The following RGS7BP variants were observed in gnomAD, a reference collection of about 807,000 sequenced individuals.
The protein encoded by RGS7BP is regulator of G protein signaling 7-binding protein.
In RGS7BP, 9 loss-of-function variants were observed where a neutral mutation model predicts 31.3. The ratio of observed to expected loss-of-function variants is 0.29; its 90% CI spans 0.17 to 0.50. RGS7BP has a LOEUF of 0.50. Ranked by LOEUF, RGS7BP falls within the 20% of genes least tolerant of loss-of-function variation. The pLI is 0.98. For synonymous variants in RGS7BP, 115 were observed against 120.1 expected (o/e 0.96, Z 0.28); for missense variants, 274 against 322.0 (o/e 0.85, Z 1.14).
chr5:64,608,471 A>C (rs1315979356), intron 5 of RGS7BP, among the ~76,000 whole-genome samples: 2 of 152,046 alleles, frequency 1.3e-5, no homozygotes, highest in African/African-American at 4.8e-5. Flanking sequence ...GAAAGACTCA[A>C]TAGGAAATAG....
At chr5:64,557,364 C>G (rs1395871477) in intron 2 of RGS7BP, among the ~76,000 whole-genome samples, 2 of 152,098 alleles carry the variant, frequency 1.3e-5, no homozygotes, top group Admixed American at 6.6e-5. Context: ...CATTTTCTGC[C>G]TGGACCAACT....
chr5:64,555,961 C>T (rs1422889784), intron 2 of RGS7BP, among the ~76,000 whole-genome samples: 1 of 152,098 alleles, frequency 6.6e-6, no homozygotes. Flanking sequence ...TTGCTCAGCA[C>T]AGGAAAATAT....
chr5:64,531,481 G>A (rs1282304439), intron 2 of RGS7BP, among the ~76,000 whole-genome samples: 1 of 152,168 alleles, frequency 6.6e-6, no homozygotes, highest in Non-Finnish European at 1.5e-5. Context: ...TAGGAGGTCT[G>A]TGGGATTACA....
chr5:64,551,043 A>G (rs946325478), intron 2 of RGS7BP, among the ~76,000 whole-genome samples: 8 of 151,804 alleles, frequency 5.3e-5, no homozygotes, highest in African/African-American at 1.2e-4. Context: ...CAATCATAGC[A>G]GCAATTACCC....
intron 2 of RGS7BP, among the ~76,000 whole-genome samples, chr5:64,538,664 C>A (rs1230978622): frequency 7.1e-6 from 1 of 139,912 alleles, no homozygotes; most frequent in Non-Finnish European, 1.5e-5. Flanking sequence ...TCAAGAGATT[C>A]TCCTACCTCA....
chr5:64,595,304 A>G (rs1273706131), intron 4 of RGS7BP, among the ~76,000 whole-genome samples: 1 of 152,132 alleles, frequency 6.6e-6, no homozygotes, highest in Non-Finnish European at 1.5e-5. Flanking sequence ...TTTCAGGTAT[A>G]TGGAACAGCC....
intron 2 of RGS7BP, among the ~76,000 whole-genome samples, chr5:64,533,650 A>G (rs1481793271): frequency 1.3e-5 from 2 of 152,224 alleles, no homozygotes; most frequent in Non-Finnish European, 2.9e-5. Flanking sequence ...TTTTTCTTCC[A>G]TAAATAAAGT....
intron 2 of RGS7BP, among the ~76,000 whole-genome samples, chr5:64,561,384 T>A (rs1192264023): frequency 1.3e-5 from 2 of 152,152 alleles, no homozygotes. Context: ...TAAATATAGT[T>A]CCAGTCCTGA....
rs545535485 is a variant in RGS7BP, at chr5:64,511,460, G to A, written c.332+3583G>A. 5.3e-4 allele frequency among the ~76,000 whole-genome samples: 81 copies of A among 152,288 alleles called. 1 individual carries two copies. The highest frequency in any genetic ancestry group is 6.8e-3 in the Middle Eastern group (2 of 294). The stretch of plus-strand genomic sequence containing the variant: ...CCTTAAAGATCACTTGCAAGAATGG[G>A]CCTCAAACTTTTTTAGCAGCAAATC... On this transcript the variant is annotated intron_variant, in intron 2 of 5. Transcript: ENST00000334025.
At chr5:64,541,882 T>C (rs1441721903) in intron 2 of RGS7BP, among the ~76,000 whole-genome samples, 1 of 152,220 alleles carries the variant, frequency 6.6e-6, no homozygotes, top group Non-Finnish European at 1.5e-5. Flanking sequence ...TTTTTTTAAA[T>C]TAATTAATTT....
chr5:64,585,442 G>A (rs936524649), intron 3 of RGS7BP, among the ~76,000 whole-genome samples: 4 of 151,988 alleles, frequency 2.6e-5, no homozygotes, highest in Non-Finnish European at 4.4e-5. Flanking sequence ...AGGAATGGAA[G>A]GGGCAAAGAA....
intron 3 of RGS7BP, among the ~76,000 whole-genome samples, chr5:64,580,310 C>T (rs3902690): frequency 0.71 from 107,261 of 151,994 alleles, 38,619 homozygotes; most frequent in African/African-American, 0.83. Flanking sequence ...TTACTACCAT[C>T]GGAGAGAAAG....
intron 2 of RGS7BP, among the ~76,000 whole-genome samples, chr5:64,522,988 A>C (rs1281659141): frequency 6.6e-6 from 1 of 151,980 alleles, no homozygotes; most frequent in African/African-American, 2.4e-5. Flanking sequence ...GGGAAGGAGA[A>C]TGATTCAGCT....
chr5:64,516,112 T>G lies in RGS7BP; in HGVS notation c.332+8235T>G, dbSNP rs149094636. 7.2e-5 allele frequency among the ~76,000 whole-genome samples: 11 copies of G among 152,266 alleles called. No individual in the cohort carries two copies. The East Asian group carries it at 1.9e-3, about 27-fold the overall frequency. Reference sequence around the variant, plus strand: ...ACTCACCGCTCTCGACCGAAATAAATGTTTTCAACCTAATAGAAGACTCTA... The same window carrying G: ...ACTCACCGCTCTCGACCGAAATAAAGGTTTTCAACCTAATAGAAGACTCTA... On this transcript the variant is annotated intron_variant, in intron 2 of 5. Transcript: ENST00000334025.
intron 4 of RGS7BP, among the ~76,000 whole-genome samples, chr5:64,596,495 T>C (rs1404934288): frequency 3.9e-5 from 6 of 152,180 alleles, no homozygotes. Context: ...TGGTGCTTTA[T>C]TAGAGGAGAC....
Position 64,609,432 on chromosome 5 carries a change from C to A in RGS7BP, c.*180C>A. The A allele has an allele frequency of 1.1e-5, 6 of 538,548 alleles. No individual in the cohort carries two copies. The highest frequency in any genetic ancestry group is 2.9e-5 in the East Asian group (1 of 34,892). The allele number at this position is 538,548 out of a possible 1,614,324, so 33.4% of individuals were successfully genotyped here. ...TTTTACACTTGAAAGCAGCTGCCGTCAAGAAAAAAAAGAACAGATTCAAAA... is the reference window on the plus strand; with the variant it reads ...TTTTACACTTGAAAGCAGCTGCCGTAAAGAAAAAAAAGAACAGATTCAAAA... On this transcript the variant is annotated 3_prime_UTR_variant, in exon 6 of 6. Coordinates refer to ENST00000334025, the MANE Select transcript of RGS7BP (RefSeq NM_001029875.3).
At chr5:64,516,243 C>G (rs1320843908) in intron 2 of RGS7BP, among the ~76,000 whole-genome samples, 1 of 152,222 alleles carries the variant, frequency 6.6e-6, no homozygotes, top group Non-Finnish European at 1.5e-5. Flanking sequence ...GAAATATATA[C>G]TAACCCAGAA....
intron 2 of RGS7BP, among the ~76,000 whole-genome samples, chr5:64,542,300 C>CTAAT (rs1216511415): frequency 6.6e-6 from 1 of 152,194 alleles, no homozygotes; most frequent in Non-Finnish European, 1.5e-5. Flanking sequence ...CCTTGTCCTG[C>CTAAT]ATTAGGACAT....
At chr5:64,550,436 G>A (rs1741764047) in intron 2 of RGS7BP, among the ~76,000 whole-genome samples, 1 of 152,002 alleles carries the variant, frequency 6.6e-6, no homozygotes, top group Admixed American at 6.6e-5. Flanking sequence ...CCACCCTTAT[G>A]ACCTCATCTA....
Sources: gnomAD v4.1 joint callset for allele counts (sites outside exome capture counted in the v4.1 genomes callset) on GRCh38, gnomAD v4.1.1 for gene constraint, MANE v1.5 for transcripts, NCBI Gene and HGNC (gene_info 2026-07-23, HGNC 2026-07-21) for gene names.